Variants in SGCZ observed in about 807,000 individuals in gnomAD.
The protein encoded by SGCZ is sarcoglycan zeta.
SGCZ carries 40 observed loss-of-function variants against 41.3 expected under a neutral mutation model. The ratio of observed to expected loss-of-function variants is 0.97; its 90% CI spans 0.75 to 1.26. The LOEUF (loss-of-function observed/expected upper bound fraction) is 1.26. Among genes scored for constraint, SGCZ ranks in the 50% most tolerant of loss-of-function variants. The probability of loss-of-function intolerance (pLI) is 0.00; values close to 1 mark genes in which losing one functional copy is unlikely to be tolerated. For synonymous variants in SGCZ, 206 were observed against 137.5 expected (o/e 1.50, Z -3.49); for missense variants, 552 against 369.8 (o/e 1.49, Z -4.04).
chr8:14,989,152 G>T (rs556152456), intron 1 of SGCZ, among the ~76,000 whole-genome samples: 17 of 152,156 alleles, frequency 1.1e-4, no homozygotes, highest in African/African-American at 3.9e-4. Context: ...AGAGGAGAAG[G>T]GTCTGTGGAC....
intron 1 of SGCZ, among the ~76,000 whole-genome samples, chr8:14,820,536 G>A (rs1302569022): frequency 6.6e-6 from 1 of 151,962 alleles, no homozygotes; most frequent in African/African-American, 2.4e-5. Flanking sequence ...CAGCTACAGA[G>A]CACACATTCT....
At chr8:15,088,711 T>C (rs1806041317) in intron 1 of SGCZ, among the ~76,000 whole-genome samples, 1 of 152,166 alleles carries the variant, frequency 6.6e-6, no homozygotes, top group Non-Finnish European at 1.5e-5. Context: ...TATAAGCCTC[T>C]TTTATTCGTC....
chr8:14,795,271 A>T (rs73533019), intron 1 of SGCZ, among the ~76,000 whole-genome samples: 8,168 of 152,300 alleles, frequency 0.054, 467 homozygotes, highest in African/African-American at 0.14. Context: ...TTAGATGCAT[A>T]AATTAGGATT....
At chr8:15,027,043 A>G (rs1293151419) in intron 1 of SGCZ, among the ~76,000 whole-genome samples, 2 of 152,166 alleles carry the variant, frequency 1.3e-5, no homozygotes, top group East Asian at 3.9e-4. Flanking sequence ...ATTGTTTCGT[A>G]CCTGAAATGA....
chr8:14,214,986 G>C (rs1253158821), intron 4 of SGCZ, among the ~76,000 whole-genome samples: 1 of 152,086 alleles, frequency 6.6e-6, no homozygotes, highest in African/African-American at 2.4e-5. Context: ...GCAAGACAGA[G>C]AAATACTGAA....
In SGCZ at chr8:14,085,822, T is replaced by G. The variant is rs1801508001; in HGVS notation, c.*4621A>C. ...ACTCAGGATCCTCCAAGAAGGATGT[T>G]TACTACCTCATGTTATAATTATAAG... On this transcript the variant is annotated 3_prime_UTR_variant, in exon 8 of 8. Transcript: ENST00000382080. Among the ~76,000 whole-genome samples, 1 of 151,796 alleles carries G rather than the reference T, an allele frequency of 6.6e-6. No homozygotes were observed. Among genetic ancestry groups the G allele is most frequent in the African/African-American group, 2.4e-5 (1 of 41,418 alleles).
At chr8:15,191,824 T>TG (rs1169350919) in intron 1 of SGCZ, among the ~76,000 whole-genome samples, 1 of 152,070 alleles carries the variant, frequency 6.6e-6, no homozygotes, top group African/African-American at 2.4e-5. Context: ...TATTTAATTA[T>TG]ACAAAATGAC....
chr8:15,045,530 T>C (rs905470408), intron 1 of SGCZ, among the ~76,000 whole-genome samples: 3 of 152,112 alleles, frequency 2.0e-5, no homozygotes, highest in Non-Finnish European at 4.4e-5. Flanking sequence ...GGGTTTAAGA[T>C]TGAGATTAGT....
chr8:14,530,214 A>T (rs1018023136), intron 2 of SGCZ, among the ~76,000 whole-genome samples: 7 of 152,040 alleles, frequency 4.6e-5, no homozygotes, highest in South Asian at 2.1e-4. Context: ...TTATAGGGAA[A>T]TTTTTTTTAA....
chr8:14,372,805 C>T (rs1483568814), intron 2 of SGCZ, among the ~76,000 whole-genome samples: 2 of 151,790 alleles, frequency 1.3e-5, no homozygotes, highest in African/African-American at 4.8e-5. Flanking sequence ...GAGTGAGGCA[C>T]AAGGAGAAAC....
At chr8:15,013,403 T>C (rs1802910107) in intron 1 of SGCZ, among the ~76,000 whole-genome samples, 2 of 152,202 alleles carry the variant, frequency 1.3e-5, no homozygotes, top group Admixed American at 1.3e-4. Context: ...GTGGGGTGCA[T>C]TTAATCTTGC....
intron 2 of SGCZ, among the ~76,000 whole-genome samples, chr8:14,529,679 T>C (rs1212887734): frequency 6.6e-6 from 1 of 152,110 alleles, no homozygotes; most frequent in African/African-American, 2.4e-5. Context: ...CAGTGTTTCA[T>C]GAGATCTGAA....
chr8:14,114,623 CAAAAAG>C (rs1005194469), intron 5 of SGCZ, among the ~76,000 whole-genome samples: 3 of 151,310 alleles, frequency 2.0e-5, no homozygotes, highest in African/African-American at 7.3e-5. Flanking sequence ...TGTCAGAAGA[CAAAAAG>C]AGATAAGGAA....
chr8:15,075,016 C>A (rs1805480140), intron 1 of SGCZ, among the ~76,000 whole-genome samples: 1 of 152,086 alleles, frequency 6.6e-6, no homozygotes, highest in Admixed American at 6.6e-5. Context: ...AGCACCTAAC[C>A]CAAAAGCTTG....
intron 2 of SGCZ, among the ~76,000 whole-genome samples, chr8:14,363,948 T>C (rs1354683134): frequency 6.6e-6 from 1 of 152,192 alleles, no homozygotes; most frequent in Non-Finnish European, 1.5e-5. Context: ...TTCCTTTGTT[T>C]TTCAAATTGA....
chr8:14,313,545 G>A (rs75358561), intron 3 of SGCZ, among the ~76,000 whole-genome samples: 345 of 152,158 alleles, frequency 2.3e-3, no homozygotes, highest in Non-Finnish European at 3.4e-3. Context: ...TCAAACACCC[G>A]ACCTAAAATG....
At chr8:14,140,982 C>A (rs1409306652) in intron 5 of SGCZ, among the ~76,000 whole-genome samples, 1 of 152,086 alleles carries the variant, frequency 6.6e-6, no homozygotes, top group African/African-American at 2.4e-5. Context: ...ATCTATAGAC[C>A]AATGGAACAG....
At chr8:14,874,252 A>G (rs985389616) in intron 1 of SGCZ, among the ~76,000 whole-genome samples, 5 of 152,136 alleles carry the variant, frequency 3.3e-5, no homozygotes, top group African/African-American at 7.2e-5. Context: ...TACTCTTGCT[A>G]TAGTCAATCT....
chr8:14,815,485 T>A (rs1032520321), intron 1 of SGCZ, among the ~76,000 whole-genome samples: 1 of 152,062 alleles, frequency 6.6e-6, no homozygotes, highest in Admixed American at 6.6e-5. Context: ...ACCTTTGTGA[T>A]GAAAATATTT....
Sources: gnomAD v4.1 joint callset for allele counts (sites outside exome capture counted in the v4.1 genomes callset) on GRCh38, gnomAD v4.1.1 for gene constraint, MANE v1.5 for transcripts, NCBI Gene and HGNC (gene_info 2026-07-23, HGNC 2026-07-21) for gene names.